Variants in JAK1 observed in about 807,000 individuals in gnomAD.
JAK1 encodes Janus kinase 1.
In JAK1, 16 loss-of-function variants were observed where a neutral mutation model predicts 136.6. The observed-to-expected ratio is 0.12, with a 90% CI of 0.08 to 0.18. JAK1 has a LOEUF of 0.18. Among genes scored for constraint, JAK1 ranks in the 10% least tolerant of loss-of-function variants. The probability of loss-of-function intolerance (pLI) is 1.00; values close to 1 mark genes in which losing one functional copy is unlikely to be tolerated. For missense variants in JAK1, 859 were observed against 1,450.1 expected, an observed-to-expected ratio of 0.59 and a Z score of 6.62; for synonymous variants, 492 against 519.5, an observed-to-expected ratio of 0.95 and a Z score of 0.72.
intron 2 of JAK1, among the ~76,000 whole-genome samples, chr1:65,019,737 T>G (rs1646920994): frequency 6.6e-6 from 1 of 151,846 alleles, no homozygotes. Context: ...ACCAACATTA[T>G]GAAACCCCAT....
rs571568061 is a variant in JAK1 at position 64,865,862 on chromosome 1, C to T, written c.991-890G>A. ...GTAGCCTTGACCTCCCAGGCTCAGG[C>T]GATCCTCCCAACTCAGCCTCCCAAG... On this transcript the variant is annotated intron_variant, in intron 7 of 24. Transcript: ENST00000342505. Among the ~76,000 whole-genome samples the T allele has an allele frequency of 2.2e-3, 339 of 152,176 alleles. 1 individual carries two copies. The highest frequency in any genetic ancestry group is 3.4e-3 in the Non-Finnish European group (232 of 67,996).
At chr1:65,035,796 CG>C (rs1647067199) in intron 2 of JAK1, among the ~76,000 whole-genome samples, 1 of 152,066 alleles carries the variant, frequency 6.6e-6, no homozygotes, top group Non-Finnish European at 1.5e-5. Context: ...TGGCCGGACG[CG>C]GTGGTTCACG....
intron 2 of JAK1, among the ~76,000 whole-genome samples, chr1:64,884,851 T>C (rs1360621591): frequency 6.6e-6 from 1 of 152,208 alleles, no homozygotes; most frequent in African/African-American, 2.4e-5. Flanking sequence ...AAGCATCTTA[T>C]GCACATGCTG....
chr1:64,968,445 G>A (rs768224450), upstream of JAK1, among the ~76,000 whole-genome samples: 16 of 152,170 alleles, frequency 1.1e-4, no homozygotes, highest in Middle Eastern at 6.3e-3. Flanking sequence ...TAAGCTTCAA[G>A]TAGCCGACAG....
intron 1 of JAK1, among the ~76,000 whole-genome samples, chr1:64,895,430 G>A (rs752720507): frequency 3.6e-4 from 55 of 151,992 alleles, no homozygotes; most frequent in Non-Finnish European, 7.4e-4. Flanking sequence ...ACCCAACAAG[G>A]TTACTACTAA....
intron 1 of JAK1, among the ~76,000 whole-genome samples, chr1:65,050,369 A>G (rs761059586): frequency 4.6e-5 from 7 of 152,234 alleles, no homozygotes; most frequent in Non-Finnish European, 1.0e-4. Context: ...GATGTCAGGA[A>G]AAGGTCTCTG....
At chr1:65,067,005 A>G (rs1648081286) in intron 1 of JAK1, among the ~76,000 whole-genome samples, 1 of 152,014 alleles carries the variant, frequency 6.6e-6, no homozygotes, top group Non-Finnish European at 1.5e-5. Context: ...CACCCCAGCG[A>G]GGGCCGCGCA....
upstream of JAK1, among the ~76,000 whole-genome samples, chr1:64,968,713 C>T (rs1299682406): frequency 6.6e-6 from 1 of 152,172 alleles, no homozygotes; most frequent in Non-Finnish European, 1.5e-5. Flanking sequence ...GGGCCAATCA[C>T]TTGAGGTCAG....
intron 1 of JAK1, among the ~76,000 whole-genome samples, chr1:64,939,722 A>C (rs1645854424): frequency 6.6e-6 from 1 of 152,140 alleles, no homozygotes; most frequent in African/African-American, 2.4e-5. Context: ...ACAGAAAACC[A>C]CATGGTTTCA....
At chr1:65,015,628 A>G (rs1187415866) in intron 2 of JAK1, among the ~76,000 whole-genome samples, 1 of 152,202 alleles carries the variant, frequency 6.6e-6, no homozygotes, top group African/African-American at 2.4e-5. Flanking sequence ...TACTTCAGTT[A>G]AAAGACAAAG....
At chr1:64,887,782 C>G (rs929407917) in intron 1 of JAK1, among the ~76,000 whole-genome samples, 2 of 152,188 alleles carry the variant, frequency 1.3e-5, no homozygotes, top group Admixed American at 1.3e-4. Flanking sequence ...ACGGAGATAG[C>G]AGTCTCAGCA....
intron 3 of JAK1, among the ~76,000 whole-genome samples, 172 bp downstream of exon 3, chr1:64,883,104 GA>G (rs1283131792): frequency 6.6e-6 from 1 of 152,186 alleles, no homozygotes; most frequent in Admixed American, 6.5e-5. Context: ...CTCAGAATTA[GA>G]ATCACTGGCC....
intron 1 of JAK1, among the ~76,000 whole-genome samples, chr1:64,932,177 G>C (rs1645707147): frequency 6.8e-6 from 1 of 147,328 alleles, no homozygotes; most frequent in African/African-American, 2.5e-5. Context: ...AACGTTGGGG[G>C]GCCGAGGTGG....
chr1:64,893,760 C>T (rs891165611), intron 1 of JAK1, among the ~76,000 whole-genome samples: 1 of 152,204 alleles, frequency 6.6e-6, no homozygotes, highest in African/African-American at 2.4e-5. Flanking sequence ...TTTTGTACTG[C>T]ACCTAACATA....
upstream of JAK1, among the ~76,000 whole-genome samples, chr1:64,970,923 T>G (rs1026221994): frequency 6.6e-6 from 1 of 152,146 alleles, no homozygotes; most frequent in African/African-American, 2.4e-5. Context: ...TATTAGAAAA[T>G]TAATAACAAC....
At chr1:64,892,511 C>A (rs532181448) in intron 1 of JAK1, among the ~76,000 whole-genome samples, 1 of 152,238 alleles carries the variant, frequency 6.6e-6, no homozygotes, top group East Asian at 1.9e-4. Flanking sequence ...TCTCATACTC[C>A]TGGGCTCAAG....
chr1:64,928,803 A>AAAAAAAC (rs1645637385), intron 1 of JAK1, among the ~76,000 whole-genome samples: 1 of 150,238 alleles, frequency 6.7e-6, no homozygotes, highest in African/African-American at 2.4e-5. Flanking sequence ...AAAACAAAAA[A>AAAAAAAC]AAAAAACTCT....
intron 2 of JAK1, among the ~76,000 whole-genome samples, chr1:64,980,638 T>C (rs543555342): frequency 1.3e-5 from 2 of 152,106 alleles, no homozygotes; most frequent in East Asian, 3.9e-4. Flanking sequence ...GTTTGTCACA[T>C]ATGTATACAT....
rs188013623 is a variant in JAK1, at chr1:64,912,675, G to A, written c.-77-26334C>T. Reference sequence around the variant, plus strand: ...TACTCTCATCCCCATTTTACATTCCGGGAGAACTTTGCCAAGGTCATACTG... The same window carrying A: ...TACTCTCATCCCCATTTTACATTCCAGGAGAACTTTGCCAAGGTCATACTG... On this transcript the variant is annotated intron_variant, in intron 1 of 24. Transcript: ENST00000342505. 5.3e-5 allele frequency among the ~76,000 whole-genome samples: 8 copies of A among 152,162 alleles called. No individual in the cohort carries two copies. In the South Asian group the frequency reaches 1.0e-3, roughly 20 times the overall value.
Sources: allele counts gnomAD v4.1 joint callset (sites outside exome capture counted in the v4.1 genomes callset), GRCh38; gene constraint gnomAD v4.1.1; transcripts MANE v1.5; gene names NCBI Gene and HGNC (gene_info 2026-07-23, HGNC 2026-07-21).